EGFLAM: variants seen among roughly 807,000 people sequenced by gnomAD.
EGFLAM encodes the protein EGF like, fibronectin type III and laminin G domains, also known as pikachurin.
EGFLAM carries 79 observed loss-of-function variants against 113.1 expected under a neutral mutation model. That is an observed-to-expected ratio of 0.70 (90% CI 0.58 to 0.84). The LOEUF is 0.84. Among genes scored for constraint, EGFLAM ranks in the 40% least tolerant of loss-of-function variants. The pLI, the probability that EGFLAM is intolerant of heterozygous loss-of-function variation, is 0.00. For synonymous variants in EGFLAM, 504 were observed against 487.6 expected (o/e 1.03, Z -0.44); for missense variants, 1,265 against 1,291.6 (o/e 0.98, Z 0.32).
intron 6 of EGFLAM, among the ~76,000 whole-genome samples, chr5:38,372,036 G>A (rs1045440869): frequency 6.6e-6 from 1 of 152,098 alleles, no homozygotes; most frequent in African/African-American, 2.4e-5. Context: ...GTAGAGTCAA[G>A]AATGTAGAAT....
At chr5:38,287,803 C>T (rs1473997686) in intron 1 of EGFLAM, among the ~76,000 whole-genome samples, 1 of 152,200 alleles carries the variant, frequency 6.6e-6, no homozygotes, top group African/African-American at 2.4e-5. Context: ...CTTTTATGCC[C>T]TAAGTGGGGC....
At position 38,464,930 on chromosome 5, in the gene EGFLAM, TGTTA is replaced by T. The variant is rs1743419415; in HGVS notation, c.*945_*948del. 6.6e-6 allele frequency: 1 copy of T among 152,214 alleles called. No individual in the cohort carries two copies. Among genetic ancestry groups the T allele is most frequent in the African/African-American group, 2.4e-5 (1 of 41,450 alleles). The allele number at this position is 152,214 out of a possible 1,614,324, so 9.4% of individuals were successfully genotyped here. On this transcript the variant is annotated 3_prime_UTR_variant, in exon 22 of 22. Coordinates refer to ENST00000322350, the MANE Select transcript of EGFLAM (RefSeq NM_152403.4). ...AGATAAGCAGATTAAAAGGAACATG[TGTTA>T]CCGAGGTAGGTCACTGTCATTTTTG... is the stretch of plus-strand genomic sequence containing the variant.
intron 6 of EGFLAM, among the ~76,000 whole-genome samples, chr5:38,376,838 T>C (rs1740377070): frequency 6.6e-6 from 1 of 152,004 alleles, no homozygotes; most frequent in African/African-American, 2.4e-5. Flanking sequence ...GCCTGACTAA[T>C]TTTTGTATTT....
chr5:38,301,865 C>T (rs966019818), intron 1 of EGFLAM, among the ~76,000 whole-genome samples: 4 of 152,114 alleles, frequency 2.6e-5, no homozygotes, highest in African/African-American at 7.2e-5. Context: ...GTTTGTTGTC[C>T]AGTGCCTGGT....
intron 6 of EGFLAM, among the ~76,000 whole-genome samples, chr5:38,374,475 T>A (rs1740311922): frequency 6.6e-6 from 1 of 152,014 alleles, no homozygotes; most frequent in African/African-American, 2.4e-5. Flanking sequence ...TGTTCCTGGA[T>A]GGGATCACAG....
At position 38,431,218 on chromosome 5, in the gene EGFLAM, G is replaced by C; in HGVS notation, c.2096G>C (p.Arg699Pro). The change falls in exon 15 of 22, where the codon CGT becomes CCT. Residue 699 changes from arginine (R) to proline (P), a missense_variant. By Grantham distance (103) the Arg-to-Pro change is moderately radical (BLOSUM62 -2). Transcript: ENST00000322350. ...ACCCTGGGCAACTGGCACGAGCTTCGTGTATCTCGCACAGCAAAGAATGGA... is the reference window on the plus strand; with the variant it reads ...ACCCTGGGCAACTGGCACGAGCTTCCTGTATCTCGCACAGCAAAGAATGGA... ...PLTLGNWHELRVSRTAKNGIL... is the reference protein window; with the variant it reads ...PLTLGNWHELPVSRTAKNGIL... The C allele has an allele frequency of 6.8e-6, 11 of 1,614,162 alleles. No homozygotes were observed. Among genetic ancestry groups the C allele is most frequent in the South Asian group, 1.1e-5 (1 of 91,082 alleles).
At chr5:38,323,996 C>T (rs1339056962) in intron 1 of EGFLAM, among the ~76,000 whole-genome samples, 2 of 141,600 alleles carry the variant, frequency 1.4e-5, no homozygotes, top group Non-Finnish European at 3.0e-5. Flanking sequence ...GAACTGAGAT[C>T]GTGCCACTAC....
chr5:38,337,559 T>C lies in EGFLAM; in HGVS notation c.137T>C (p.Leu46Ser). Residue 46 changes from leucine (L) to serine (S), a missense_variant, in exon 2 of 22, where the codon TTG (leucine) becomes TCG (serine). Transcript: ENST00000322350. ...CCTCTTGACATCAAGCTGGGCGCAT[T>C]GAACTGTACGGCTTTCAGCATCCAG... is the stretch of plus-strand genomic sequence containing the variant. ...GPPLDIKLGA[L>S]NCTAFSIQWK... 6.2e-7 allele frequency: 1 copy of C among 1,606,768 alleles called. No individual in the cohort carries two copies. Among genetic ancestry groups the C allele is most frequent in the Non-Finnish European group, 8.5e-7 (1 of 1,175,998 alleles).
rs533551767 is a variant in EGFLAM at position 38,428,781 on chromosome 5, T to G, written c.2054+1529T>G. Among the ~76,000 whole-genome samples the G allele has an allele frequency of 3.9e-5, 6 of 152,350 alleles. No homozygotes were observed. In the South Asian group the frequency reaches 1.2e-3, roughly 32 times the overall value. On this transcript the variant is annotated intron_variant, in intron 14 of 21. Coordinates refer to ENST00000322350, the MANE Select transcript of EGFLAM (RefSeq NM_152403.4). ...TCTCTCTTTCATAACTCTGTGCTTA[T>G]TTTTGACACGAGGTGCTTTTAATTT... is the stretch of plus-strand genomic sequence containing the variant.
rs771448907 is a variant in EGFLAM at position 38,406,883 on chromosome 5, A to G, written c.884A>G (p.Lys295Arg). The change falls in exon 8 of 22, where the codon AAG becomes AGG. Residue 295 changes from lysine (K) to arginine (R), a missense_variant. Lys to Arg is a conservative substitution (Grantham distance 26). Transcript: ENST00000322350. ...AATAAGAAATTTTTGGTGGAAAGCA[A>G]GAAGATGTCTATATCTAACCCAAAG... Reference protein sequence around the residue: ...GGNKKFLVESKKMSISNPKTI... With the variant: ...GGNKKFLVESRKMSISNPKTI... The G allele has an allele frequency of 1.6e-5, 26 of 1,614,010 alleles. 1 individual carries two copies. In the East Asian group the frequency reaches 5.6e-4, roughly 35 times the overall value.
At chr5:38,394,947 T>G (rs1426650345) in intron 6 of EGFLAM, among the ~76,000 whole-genome samples, 1 of 152,052 alleles carries the variant, frequency 6.6e-6, no homozygotes, top group Non-Finnish European at 1.5e-5. Context: ...TTTTTTAATT[T>G]TTATTTTTTT....
At chr5:38,433,236 C>A (rs886221312) in intron 15 of EGFLAM, among the ~76,000 whole-genome samples, 1 of 152,190 alleles carries the variant, frequency 6.6e-6, no homozygotes, top group Non-Finnish European at 1.5e-5. Context: ...ACCTAAGCAC[C>A]TAAGAGCCTG....
rs550559773 is a variant in EGFLAM at position 38,354,466 on chromosome 5, C to T, written c.545+2135C>T. Among the ~76,000 whole-genome samples, 9 of 152,318 alleles carry T rather than the reference C, an allele frequency of 5.9e-5. No individual in the cohort carries two copies. In the East Asian group the frequency reaches 1.5e-3, roughly 26 times the overall value. On this transcript the variant is annotated intron_variant, in intron 5 of 21. Coordinates refer to ENST00000322350, the MANE Select transcript of EGFLAM (RefSeq NM_152403.4). Reference sequence around the variant, plus strand: ...ACTTCTGGCCAGGCGCGGTGGCTCACGCCTGTAATCCCAGCACTTTGGGAG... The same window carrying T: ...ACTTCTGGCCAGGCGCGGTGGCTCATGCCTGTAATCCCAGCACTTTGGGAG...
rs533960858 is a variant in EGFLAM at position 38,342,663 on chromosome 5, G to A, written c.291+3882G>A. Among the ~76,000 whole-genome samples the A allele has an allele frequency of 3.4e-4, 51 of 152,206 alleles. 1 individual carries two copies. The highest frequency in any genetic ancestry group is 1.2e-3 in the African/African-American group (51 of 41,544). ...AGATTTCCTCCTGGAAAACAGAATA[G>A]TAAAACAAATCAGGGCAATTTGGTA... On this transcript the variant is annotated intron_variant, in intron 3 of 21. Transcript: ENST00000322350.
At chr5:38,463,534 C>T (rs1434464132) in intron 21 of EGFLAM, among the ~76,000 whole-genome samples, 1 of 152,226 alleles carries the variant, frequency 6.6e-6, no homozygotes, top group Non-Finnish European at 1.5e-5. Flanking sequence ...TCAAAATTTA[C>T]TAGACACTAT....
At chr5:38,446,007 C>A (rs1239541633) in intron 17 of EGFLAM, among the ~76,000 whole-genome samples, 1 of 152,166 alleles carries the variant, frequency 6.6e-6, no homozygotes, top group African/African-American at 2.4e-5. Context: ...CCCACCGCCA[C>A]GGGCCAACAA....
At chr5:38,279,430 G>A (rs1208710447) in intron 1 of EGFLAM, among the ~76,000 whole-genome samples, 1 of 152,130 alleles carries the variant, frequency 6.6e-6, no homozygotes, top group African/African-American at 2.4e-5. Flanking sequence ...GTTTATTACA[G>A]CACTAGTCTC....
intron 1 of EGFLAM, among the ~76,000 whole-genome samples, chr5:38,337,114 C>G (rs1188275014): frequency 6.6e-6 from 1 of 152,154 alleles, no homozygotes. Flanking sequence ...TATAAGCAAA[C>G]ACATCTATGT....
intron 17 of EGFLAM, among the ~76,000 whole-genome samples, chr5:38,447,093 A>G (rs1376055657): frequency 6.6e-6 from 1 of 152,194 alleles, no homozygotes; most frequent in Non-Finnish European, 1.5e-5. Context: ...CCAAAGAGGA[A>G]AGAGATATTG....
Sources: gnomAD v4.1 joint callset for allele counts (sites outside exome capture counted in the v4.1 genomes callset) on GRCh38, gnomAD v4.1.1 for gene constraint, MANE v1.5 for transcripts, NCBI Gene and HGNC (gene_info 2026-07-23, HGNC 2026-07-21) for gene names.